NRG1: variants seen among roughly 807,000 people sequenced by gnomAD.
NRG1 encodes pro-neuregulin-1, membrane-bound isoform.
In NRG1, 18 loss-of-function variants were observed where a neutral mutation model predicts 63.8. The ratio of observed to expected loss-of-function variants is 0.28; its 90% confidence interval spans 0.19 to 0.42. The LOEUF (loss-of-function observed/expected upper bound fraction) is 0.42. Among genes scored for constraint, NRG1 ranks in the 10% least tolerant of loss-of-function variants. The pLI is 1.00. For synonymous variants in NRG1, 302 were observed against 301.3 expected (o/e 1.00, Z -0.02); for missense variants, 762 against 814.7 (o/e 0.94, Z 0.79).
chr8:32,341,693 A>G (rs1005873147), intron 1 of NRG1, among the ~76,000 whole-genome samples: 1 of 152,196 alleles, frequency 6.6e-6, no homozygotes, highest in Non-Finnish European at 1.5e-5. Flanking sequence ...TAGGCATGCT[A>G]TCATCTCAAT....
intron 1 of NRG1, among the ~76,000 whole-genome samples, chr8:31,650,832 C>T (rs1265455937): frequency 1.3e-5 from 2 of 152,190 alleles, no homozygotes; most frequent in Non-Finnish European, 2.9e-5. Context: ...GCCCTGGCCT[C>T]GAGTCAGAAG....
At chr8:32,139,308 T>C (rs965435826) in intron 1 of NRG1, 4 of 152,164 alleles carry the variant, frequency 2.6e-5, no homozygotes, top group Non-Finnish European at 4.4e-5. Context: ...GGCAAACACC[T>C]GGGGGAGAAG....
intron 1 of NRG1, among the ~76,000 whole-genome samples, chr8:32,240,755 A>C (rs1848018625): frequency 6.6e-6 from 1 of 152,102 alleles, no homozygotes; most frequent in African/African-American, 2.4e-5. Context: ...TTTTTTTAGA[A>C]TTTCCTGTCA....
chr8:32,144,342 T>G (rs1213958300), intron 1 of NRG1, among the ~76,000 whole-genome samples: 2 of 152,184 alleles, frequency 1.3e-5, no homozygotes, highest in East Asian at 1.9e-4. Context: ...TAGTGAAGTA[T>G]CTGAATCTGA....
chr8:31,902,252 A>G (rs1047225279), intron 1 of NRG1, among the ~76,000 whole-genome samples: 1 of 152,210 alleles, frequency 6.6e-6, no homozygotes, highest in Non-Finnish European at 1.5e-5. Context: ...GAGCTCTATT[A>G]TCTACTTAGG....
intron 1 of NRG1, among the ~76,000 whole-genome samples, chr8:32,458,389 C>T (rs1821881098): frequency 6.6e-6 from 1 of 152,010 alleles, no homozygotes; most frequent in Non-Finnish European, 1.5e-5. Flanking sequence ...TTTCTCTGGC[C>T]TTATGTAGCT....
intron 1 of NRG1, among the ~76,000 whole-genome samples, chr8:32,533,471 C>G (rs965190937): frequency 6.6e-6 from 1 of 152,024 alleles, no homozygotes; most frequent in African/African-American, 2.4e-5. Flanking sequence ...ATAATTACCT[C>G]AACTATATGT....
At position 31,811,694 on chromosome 8, in the gene NRG1, G is replaced by A. The variant is rs369392183; in HGVS notation, c.37+172263G>A. Among the ~76,000 whole-genome samples the A allele has an allele frequency of 3.9e-5, 6 of 152,072 alleles. No homozygotes were observed. In the East Asian group the frequency reaches 1.2e-3, roughly 29 times the overall value. Reference sequence around the variant, plus strand: ...TATATTTAGAAAATATATAAAAAATGTGGACCATGCCTTTGATCAGAAATT... The same window carrying A: ...TATATTTAGAAAATATATAAAAAATATGGACCATGCCTTTGATCAGAAATT... On this transcript the variant is annotated intron_variant, in intron 1 of 10. Coordinates refer to the NRG1 transcript ENST00000519301.
At chr8:32,714,123 C>T (rs996484600) in intron 5 of NRG1, among the ~76,000 whole-genome samples, 6 of 152,148 alleles carry the variant, frequency 3.9e-5, no homozygotes. Context: ...CTCCACCCAA[C>T]CGAAAAGAAA....
chr8:32,493,792 T>G (rs535671802), intron 1 of NRG1, among the ~76,000 whole-genome samples: 1 of 152,320 alleles, frequency 6.6e-6, no homozygotes, highest in Non-Finnish European at 1.5e-5. Context: ...ACTTGAAAGA[T>G]AATGAGTTCC....
chr8:31,857,054 T>G (rs1243485046), intron 1 of NRG1, among the ~76,000 whole-genome samples: 1 of 150,214 alleles, frequency 6.7e-6, no homozygotes, highest in Non-Finnish European at 1.5e-5. Flanking sequence ...CAGAGGTAAC[T>G]GCTGTCTTTT....
At chr8:32,058,996 A>G (rs1338746238) in intron 1 of NRG1, among the ~76,000 whole-genome samples, 2 of 152,062 alleles carry the variant, frequency 1.3e-5, no homozygotes, top group African/African-American at 2.4e-5. Flanking sequence ...GTAGAACAAT[A>G]AACAGTATTA....
At chr8:32,727,760 T>C (rs1452389804) in intron 5 of NRG1, among the ~76,000 whole-genome samples, 189 bp from the exon 6 acceptor site, 5 of 152,340 alleles carry the variant, frequency 3.3e-5, no homozygotes, top group Middle Eastern at 3.4e-3. Flanking sequence ...ATTCTCTCTT[T>C]TATAATTTGA....
At chr8:32,589,095 C>A (rs144570253) in intron 1 of NRG1, among the ~76,000 whole-genome samples, 1 of 152,294 alleles carries the variant, frequency 6.6e-6, no homozygotes, top group East Asian at 1.9e-4. Flanking sequence ...TCCGAAATAC[C>A]ATTACCACTA....
At chr8:32,761,255 G>A (rs1383877650) in intron 11 of NRG1, among the ~76,000 whole-genome samples, 3 of 152,178 alleles carry the variant, frequency 2.0e-5, no homozygotes, top group Admixed American at 1.3e-4. Context: ...GTTCCTATTT[G>A]TTTGCAAGTC....
intron 3 of NRG1, among the ~76,000 whole-genome samples, chr8:32,612,696 G>T (rs1304785975): frequency 6.6e-6 from 1 of 151,942 alleles, no homozygotes; most frequent in African/African-American, 2.4e-5. Context: ...TTCTTGGAAG[G>T]TCACAGTGGA....
intron 1 of NRG1, among the ~76,000 whole-genome samples, chr8:31,892,976 A>G (rs1831269684): frequency 1.3e-5 from 2 of 152,096 alleles, no homozygotes; most frequent in East Asian, 1.9e-4. Flanking sequence ...TATCACTACT[A>G]CTTTTCAAAA....
At chr8:31,927,953 G>T in intron 1 of NRG1, among the ~76,000 whole-genome samples, 1 of 146,984 alleles carries the variant, frequency 6.8e-6, no homozygotes, top group African/African-American at 2.5e-5. Context: ...TGCCATGTTG[G>T]TGTGTGCACC....
intron 1 of NRG1, among the ~76,000 whole-genome samples, chr8:31,678,926 A>G (rs1035398717): frequency 6.6e-5 from 10 of 151,744 alleles, no homozygotes; most frequent in Non-Finnish European, 1.5e-4. Context: ...GAATATATTC[A>G]CTGACTATTT....
Sources: gnomAD v4.1 joint callset for allele counts (sites outside exome capture counted in the v4.1 genomes callset) on GRCh38, gnomAD v4.1.1 for gene constraint, MANE v1.5 for transcripts, NCBI Gene and HGNC (gene_info 2026-07-23, HGNC 2026-07-21) for gene names.